Variants in CDH12 observed in about 807,000 individuals in gnomAD.
CDH12 encodes cadherin-12.
A neutral mutation model predicts 74.1 loss-of-function variants in CDH12; 41 were observed. The ratio of observed to expected loss-of-function variants is 0.55; its 90% CI spans 0.43 to 0.72. The LOEUF is 0.72. Ranked by LOEUF, CDH12 falls within the 30% of genes least tolerant of loss-of-function variation. The pLI is 0.00. For missense variants in CDH12, 945 were observed against 977.2 expected (o/e 0.97, Z 0.44); for synonymous variants, 399 against 355.0 (o/e 1.12, Z -1.39).
At chr5:22,003,291 A>T (rs1190316537) in intron 5 of CDH12, among the ~76,000 whole-genome samples, 1 of 152,190 alleles carries the variant, frequency 6.6e-6, no homozygotes, top group Non-Finnish European at 1.5e-5. Flanking sequence ...GGTTTATTTA[A>T]CTGGAATTAG....
At chr5:22,500,399 T>A (rs1747283372) in intron 2 of CDH12, among the ~76,000 whole-genome samples, 1 of 152,140 alleles carries the variant, frequency 6.6e-6, no homozygotes, top group South Asian at 2.1e-4. Flanking sequence ...ATGACAGTTG[T>A]TATGGATTGG....
At chr5:22,117,511 TA>T (rs1389185001) in intron 4 of CDH12, among the ~76,000 whole-genome samples, 2,977 of 50,340 alleles carry the variant, frequency 0.059, 160 homozygotes, top group Middle Eastern at 0.11. Flanking sequence ...AATATATATA[TA>T]ATATATATAT....
At position 22,027,292 on chromosome 5, in the gene CDH12, C is replaced by T. The variant is rs527293640; in HGVS notation, c.231+51154G>A. Reference sequence around the variant, plus strand: ...AAAATTCTCTTTTTTGGTTGTGTCTCTGCCCAGCTTTGGTATTAGGATGAT... The same window carrying T: ...AAAATTCTCTTTTTTGGTTGTGTCTTTGCCCAGCTTTGGTATTAGGATGAT... On this transcript the variant is annotated intron_variant, in intron 5 of 14. Coordinates refer to ENST00000382254, the MANE Select transcript of CDH12 (RefSeq NM_004061.5). Among the ~76,000 whole-genome samples, 4 of 152,244 alleles carry T rather than the reference C, an allele frequency of 2.6e-5. No individual in the cohort carries two copies. The East Asian group carries it at 7.7e-4, about 29-fold the overall frequency.
chr5:22,240,150 C>A (rs965271907), intron 3 of CDH12, among the ~76,000 whole-genome samples: 3 of 152,072 alleles, frequency 2.0e-5, no homozygotes, highest in African/African-American at 7.2e-5. Flanking sequence ...TTAGCAGTAT[C>A]CATTCTTTTT....
Position 22,450,877 on chromosome 5 carries a change from C to CT in CDH12, c.-427-45527dup, listed in dbSNP as rs545463039. On this transcript the variant is annotated intron_variant, in intron 2 of 14. Coordinates refer to ENST00000382254, the MANE Select transcript of CDH12 (RefSeq NM_004061.5). ...GTTTCTAGACCCACCTAATAAGCCA[C>CT]TTTTTTTTTTTTTTTTTTTCCTAAG... Among the ~76,000 whole-genome samples the CT allele has an allele frequency of 0.013, 1,699 of 129,240 alleles. 73 individuals are homozygous for CT. The East Asian group carries it at 0.17, about 13-fold the overall frequency. 84.8% of individuals were successfully genotyped at this position (129,240 alleles called of 152,430 possible). A position where few individuals can be genotyped will look rare whatever the true frequency, so the allele number is the denominator to read the frequency against.
At chr5:22,490,497 G>T (rs761622510) in intron 2 of CDH12, among the ~76,000 whole-genome samples, 6 of 151,102 alleles carry the variant, frequency 4.0e-5, no homozygotes, top group Non-Finnish European at 7.4e-5. Context: ...TTGAGAAAGA[G>T]AAAGTGCTGA....
At chr5:21,975,001 A>T (rs1756998567) in intron 6 of CDH12, 90 bp downstream of exon 6, 2 of 802,224 alleles carry the variant, frequency 2.5e-6, no homozygotes, top group African/African-American at 1.7e-5. Context: ...ATTCTTTTAG[A>T]TGATAGATAA....
At chr5:22,674,576 C>G (rs1741069624) in intron 1 of CDH12, among the ~76,000 whole-genome samples, 1 of 152,076 alleles carries the variant, frequency 6.6e-6, no homozygotes, top group Non-Finnish European at 1.5e-5. Flanking sequence ...GACTTTAGAA[C>G]TGGGTAACAG....
intron 3 of CDH12, among the ~76,000 whole-genome samples, chr5:22,300,153 A>G (rs2068452): frequency 0.032 from 4,847 of 152,280 alleles, 191 homozygotes; most frequent in East Asian, 0.13. Flanking sequence ...CAAAAATAGC[A>G]TTGTCTAAAA....
chr5:22,795,862 C>A (rs1050073314), intron 1 of CDH12, among the ~76,000 whole-genome samples: 2 of 151,850 alleles, frequency 1.3e-5, no homozygotes, highest in Admixed American at 1.3e-4. Context: ...GAAGTCAGAA[C>A]TAGATTGTAC....
intron 3 of CDH12, among the ~76,000 whole-genome samples, chr5:22,225,838 A>C (rs1012226574): frequency 6.6e-6 from 1 of 152,122 alleles, no homozygotes; most frequent in Non-Finnish European, 1.5e-5. Flanking sequence ...AACTTTCTGG[A>C]AAATTCCCAA....
At chr5:21,790,725 A>G (rs1204481010) in intron 10 of CDH12, among the ~76,000 whole-genome samples, 1 of 152,004 alleles carries the variant, frequency 6.6e-6, no homozygotes, top group African/African-American at 2.4e-5. Flanking sequence ...GTGTATGTGT[A>G]TGTCCTTTTC....
chr5:22,184,272 G>A (rs1223806022), intron 4 of CDH12, among the ~76,000 whole-genome samples: 1 of 152,154 alleles, frequency 6.6e-6, no homozygotes. Flanking sequence ...TCCTAGATTG[G>A]AAGTAGTGAG....
At chr5:22,060,735 T>A (rs1741130501) in intron 5 of CDH12, among the ~76,000 whole-genome samples, 1 of 152,276 alleles carries the variant, frequency 6.6e-6, no homozygotes, top group East Asian at 1.9e-4. Context: ...ATATTTTTAA[T>A]GATGTTTATA....
At chr5:22,569,779 G>A (rs138089881) in intron 1 of CDH12, among the ~76,000 whole-genome samples, 1 of 152,016 alleles carries the variant, frequency 6.6e-6, no homozygotes, top group African/African-American at 2.4e-5. Flanking sequence ...TAGTTTTTTT[G>A]CTATATCTAC....
chr5:22,288,978 A>G (rs1037643597), intron 3 of CDH12, among the ~76,000 whole-genome samples: 2 of 152,154 alleles, frequency 1.3e-5, no homozygotes, highest in Non-Finnish European at 2.9e-5. Flanking sequence ...CAGAAGTTTG[A>G]AACCAGCCTG....
chr5:22,568,793 T>C (rs1739407287), intron 1 of CDH12, among the ~76,000 whole-genome samples: 1 of 152,206 alleles, frequency 6.6e-6, no homozygotes, highest in African/African-American at 2.4e-5. Context: ...AAATTATGTT[T>C]ACACTAGTCT....
At chr5:22,622,141 G>T (rs1738005104) in intron 1 of CDH12, among the ~76,000 whole-genome samples, 1 of 150,080 alleles carries the variant, frequency 6.7e-6, no homozygotes, top group Admixed American at 6.7e-5. Context: ...AAATATTAAG[G>T]AAATTAGCAA....
At chr5:22,642,493 G>C (rs530806682) in intron 1 of CDH12, among the ~76,000 whole-genome samples, 48 of 152,176 alleles carry the variant, frequency 3.2e-4, no homozygotes, top group African/African-American at 1.1e-3. Flanking sequence ...CCATGGCCTT[G>C]ATATTAAAGA....
Sources: allele counts gnomAD v4.1 joint callset (sites outside exome capture counted in the v4.1 genomes callset), GRCh38; gene constraint gnomAD v4.1.1; transcripts MANE v1.5; gene names NCBI Gene and HGNC (gene_info 2026-07-23, HGNC 2026-07-21).